MAPK14: variants seen among roughly 807,000 people sequenced by gnomAD.
MAPK14 encodes CSAID-binding protein.
A neutral mutation model predicts 49.6 loss-of-function variants in MAPK14; 16 were observed. The ratio of observed to expected loss-of-function variants is 0.32; its 90% CI spans 0.22 to 0.49. MAPK14 has a LOEUF of 0.49. Ranked by LOEUF, MAPK14 falls within the 20% of genes least tolerant of loss-of-function variation. MAPK14 has a pLI of 0.99. For missense variants in MAPK14, 200 were observed against 441.2 expected (o/e 0.45, Z 4.90); for synonymous variants, 142 against 158.0 (o/e 0.90, Z 0.76).
At chr6:36,090,683 C>T (rs1204559792) in intron 8 of MAPK14, among the ~76,000 whole-genome samples, 3 of 152,108 alleles carry the variant, frequency 2.0e-5, no homozygotes, top group African/African-American at 7.2e-5. Flanking sequence ...CACGTCATCA[C>T]GCCCGGCTAA....
intron 1 of MAPK14, among the ~76,000 whole-genome samples, chr6:36,035,630 T>G (rs1408938948): frequency 6.6e-6 from 1 of 152,002 alleles, no homozygotes; most frequent in African/African-American, 2.4e-5. Context: ...AAACAGCCAA[T>G]TTGTGAATGC....
At chr6:36,062,749 C>T (rs1236679577) in intron 3 of MAPK14, among the ~76,000 whole-genome samples, 1 of 151,446 alleles carries the variant, frequency 6.6e-6, no homozygotes, top group Non-Finnish European at 1.5e-5. Context: ...CCTCCGCCTC[C>T]CAGGTTCAAG....
rs1765871599 is a variant in MAPK14, at chr6:36,108,573, CGTGCGTGTGCGTGCGTGTTAGTGTGT to C, written c.*131_*156del. On this transcript the variant is annotated 3_prime_UTR_variant, in exon 12 of 12. Coordinates refer to ENST00000229794, the MANE Select transcript of MAPK14 (RefSeq NM_139012.3). Reference sequence around the variant, plus strand: ...TTCCTCCATGGTGGAAGGGGGTGTGCGTGCGTGTGCGTGCGTGTTAGTGTGTGTGCATGTGTGTGTCTGTCTTTGTG... The same window carrying C: ...TTCCTCCATGGTGGAAGGGGGTGTGCGTGCATGTGTGTGTCTGTCTTTGTG... 1.9e-6 allele frequency: 1 copy of C among 512,896 alleles called. No individual in the cohort carries two copies. The highest frequency in any genetic ancestry group is 2.5e-5 in the Admixed American group (1 of 39,338). The allele number at this position is 512,896 out of a possible 1,614,324, so 31.8% of individuals were successfully genotyped here.
At position 36,108,790 on chromosome 6, in the gene MAPK14, A is replaced by C; in HGVS notation, c.*343A>C. The C allele has an allele frequency of 3.9e-6, 1 of 253,262 alleles. No individual in the cohort carries two copies. Among genetic ancestry groups the C allele is most frequent in the Non-Finnish European group, 7.8e-6 (1 of 127,954 alleles). 15.7% of individuals were successfully genotyped at this position (253,262 alleles called of 1,614,324 possible). On this transcript the variant is annotated 3_prime_UTR_variant, in exon 12 of 12. Coordinates refer to ENST00000229794, the MANE Select transcript of MAPK14 (RefSeq NM_139012.3). ...TTCAATGCAAAGTAAAAAAATATGAATTGTCCCCAATCCCGGTCATGCTTT... is the reference window on the plus strand; with the variant it reads ...TTCAATGCAAAGTAAAAAAATATGACTTGTCCCCAATCCCGGTCATGCTTT...
At chr6:36,092,795 GT>G (rs1765290596) in intron 8 of MAPK14, 1 of 240,050 alleles carries the variant, frequency 4.2e-6, no homozygotes, top group Admixed American at 5.2e-5. Flanking sequence ...ACCTCCCGAG[GT>G]GATGAAAGGA....
intron 4 of MAPK14, 182 bp downstream of exon 4, chr6:36,073,166 A>G: frequency 3.5e-6 from 2 of 579,528 alleles, no homozygotes; most frequent in South Asian, 1.9e-5. Context: ...TTACCGACAT[A>G]TGGCCAATCA....
intron 1 of MAPK14, among the ~76,000 whole-genome samples, chr6:36,045,562 C>A (rs375303762): frequency 1.3e-5 from 2 of 150,438 alleles, no homozygotes; most frequent in East Asian, 3.9e-4. Context: ...TAATCCCAGC[C>A]CTTTGGGAGG....
Position 36,072,963 on chromosome 6 carries a change from C to A in MAPK14, c.396C>A (p.Tyr132Ter), listed in dbSNP as rs1400589821. ...ATGACCATGTTCAGTTCCTTATCTA[C>A]CAAATTCTCCGAGGTCTAAAGGTAC... ...LTDDHVQFLIYQILRGLKYIH... is the reference protein window; with the variant it reads ...LTDDHVQFLI Residue 132 changes from tyrosine to a stop codon, truncating the protein, a stop_gained, in exon 4 of 12, where the codon TAC becomes TAA. Transcript: ENST00000229794. LOFTEE classifies it high-confidence loss of function. 1 of 1,608,096 alleles carries A rather than the reference C, an allele frequency of 6.2e-7. No individual in the cohort carries two copies. Among genetic ancestry groups the A allele is most frequent in the South Asian group, 1.1e-5 (1 of 90,854 alleles).
At position 36,064,655 on chromosome 6, in the gene MAPK14, A is replaced by G. The variant is rs534456487; in HGVS notation, c.305+5308A>G. Reference sequence around the variant, plus strand: ...TAATAAGTTTAGCTTTTTTATTTCAATGTAAAAGTTGCTGAAAACACTGAA... The same window carrying G: ...TAATAAGTTTAGCTTTTTTATTTCAGTGTAAAAGTTGCTGAAAACACTGAA... On this transcript the variant is annotated intron_variant, in intron 3 of 11. Transcript: ENST00000229794. Among the ~76,000 whole-genome samples, 4 of 152,322 alleles carry G rather than the reference A, an allele frequency of 2.6e-5. 1 individual carries two copies. In the South Asian group the frequency reaches 8.3e-4, roughly 32 times the overall value.
intron 3 of MAPK14, among the ~76,000 whole-genome samples, chr6:36,061,506 C>T (rs1006495155): frequency 6.6e-6 from 1 of 152,190 alleles, no homozygotes; most frequent in Non-Finnish European, 1.5e-5. Context: ...AATACTATGG[C>T]TGTTGAGCAG....
chr6:36,119,105 C>T, the MAPK14 span, among the ~76,000 whole-genome samples: 1 of 152,154 alleles, frequency 6.6e-6, no homozygotes, highest in Admixed American at 6.5e-5. Flanking sequence ...GGCATAACTC[C>T]AAGAAATTTT....
chr6:36,092,429 G>A (rs879842666), intron 8 of MAPK14: 16 of 667,064 alleles, frequency 2.4e-5, no homozygotes, highest in South Asian at 9.5e-5. Flanking sequence ...CGATACACTC[G>A]TAGTGAAGCG....
At chr6:36,069,160 T>C (rs1178668766) in intron 3 of MAPK14, among the ~76,000 whole-genome samples, 4 of 152,238 alleles carry the variant, frequency 2.6e-5, no homozygotes, top group African/African-American at 7.2e-5. Flanking sequence ...GGCATGTCTT[T>C]ACTAAAATGT....
chr6:36,074,606 G>T (rs750479020), intron 6 of MAPK14, among the ~76,000 whole-genome samples: 1 of 151,788 alleles, frequency 6.6e-6, no homozygotes, highest in African/African-American at 2.4e-5. Context: ...TTATGATAAA[G>T]ACCATTTCTT....
intron 10 of MAPK14, among the ~76,000 whole-genome samples, chr6:36,103,359 T>C (rs1469694676): frequency 6.8e-6 from 1 of 147,324 alleles, no homozygotes; most frequent in Non-Finnish European, 1.5e-5. Flanking sequence ...ATTTTGGTAG[T>C]GTCAGGGTCT....
intron 1 of MAPK14, among the ~76,000 whole-genome samples, chr6:36,044,736 C>A (rs1763105785): frequency 6.6e-6 from 1 of 152,010 alleles, no homozygotes; most frequent in Non-Finnish European, 1.5e-5. Context: ...AAATAATAAA[C>A]AAAAAGCTCA....
At chr6:36,095,301 C>T (rs1413589774) in intron 8 of MAPK14, among the ~76,000 whole-genome samples, 2 of 152,302 alleles carry the variant, frequency 1.3e-5, no homozygotes, top group Non-Finnish European at 2.9e-5. Flanking sequence ...GTTGAAACCG[C>T]CTGTATTTGC....
At chr6:36,117,796 G>A in the MAPK14 span, among the ~76,000 whole-genome samples, 1 of 152,166 alleles carries the variant, frequency 6.6e-6, no homozygotes, top group Non-Finnish European at 1.5e-5. Context: ...ATCATGTCTT[G>A]TTCACTGTGG....
chr6:36,043,577 A>G (rs764435633), intron 1 of MAPK14, among the ~76,000 whole-genome samples: 1 of 152,216 alleles, frequency 6.6e-6, no homozygotes, highest in African/African-American at 2.4e-5. Context: ...AAATATTTCC[A>G]GTATGTCATT....
Sources: gnomAD v4.1 joint callset for allele counts (sites outside exome capture counted in the v4.1 genomes callset) on GRCh38, gnomAD v4.1.1 for gene constraint, MANE v1.5 for transcripts, NCBI Gene and HGNC (gene_info 2026-07-23, HGNC 2026-07-21) for gene names.